The following TESC variants were observed in gnomAD, a reference collection of about 807,000 sequenced individuals.
TESC encodes the protein calcineurin B homologous protein 3.
Under a neutral mutation model 31.0 loss-of-function variants are expected in TESC, and 19 were observed. The observed-to-expected ratio is 0.61, with a 90% confidence interval of 0.43 to 0.90. The LOEUF (loss-of-function observed/expected upper bound fraction) is 0.90. Among genes scored for constraint, TESC ranks in the 40% least tolerant of loss-of-function variants. The pLI, the probability that TESC is intolerant of heterozygous loss-of-function variation, is 0.00. For synonymous variants in TESC, 109 were observed against 114.8 expected (o/e 0.95, Z 0.32); for missense variants, 248 against 303.8 (o/e 0.82, Z 1.36).
intron 3 of TESC, among the ~76,000 whole-genome samples, chr12:117,050,517 G>T (rs1040315354): frequency 2.0e-5 from 3 of 152,240 alleles, no homozygotes; most frequent in Admixed American, 6.5e-5. Flanking sequence ...GAGGAGGCAA[G>T]AAAGGGCTGG....
At chr12:117,066,257 A>T (rs1954879774) in intron 2 of TESC, among the ~76,000 whole-genome samples, 1 of 123,118 alleles carries the variant, frequency 8.1e-6, no homozygotes, top group Non-Finnish European at 1.6e-5. Flanking sequence ...CCCAGGCTGG[A>T]GTACAGTGGT....
chr12:117,056,805 C>T lies in TESC; in HGVS notation c.209+1G>A. On this transcript the variant is annotated splice_donor_variant, in intron 3 of 7. Coordinates refer to ENST00000335209, the MANE Select transcript of TESC (RefSeq NM_017899.4). LOFTEE classifies it high-confidence loss of function. ...GGGCTGGTTCAGGGGAAAACGCCCA[C>T]CTGTTGTCGAAGAAGGCACGAACAA... 1 of 1,614,114 alleles carries T rather than the reference C, an allele frequency of 6.2e-7. No homozygotes were observed.
intron 1 of TESC, among the ~76,000 whole-genome samples, chr12:117,081,506 C>A (rs1236835007): frequency 6.6e-6 from 1 of 152,064 alleles, no homozygotes; most frequent in Non-Finnish European, 1.5e-5. Flanking sequence ...TGGTATATAC[C>A]CTTTGAATCA....
At chr12:117,054,508 C>A (rs1213714450) in intron 3 of TESC, among the ~76,000 whole-genome samples, 1 of 152,132 alleles carries the variant, frequency 6.6e-6, no homozygotes, top group Non-Finnish European at 1.5e-5. Context: ...ACACACAGTT[C>A]CCATCGCCTG....
intron 3 of TESC, among the ~76,000 whole-genome samples, chr12:117,050,543 G>A (rs2135754089): frequency 6.6e-6 from 1 of 152,346 alleles, no homozygotes; most frequent in African/African-American, 2.4e-5. Flanking sequence ...TGGGGGATGG[G>A]GACACAGGGA....
At chr12:117,096,677 G>GC (rs1955400702) in intron 1 of TESC, among the ~76,000 whole-genome samples, 1 of 152,008 alleles carries the variant, frequency 6.6e-6, no homozygotes, top group African/African-American at 2.4e-5. Flanking sequence ...CTATGACTAT[G>GC]CCCATTTTAT....
intron 2 of TESC, among the ~76,000 whole-genome samples, chr12:117,074,096 A>C (rs1955017488): frequency 6.6e-6 from 1 of 152,058 alleles, no homozygotes; most frequent in East Asian, 1.9e-4. Flanking sequence ...GTGGTGGTGC[A>C]TGGCTGTAGT....
chr12:117,043,664 C>A (rs1027616553), intron 6 of TESC, among the ~76,000 whole-genome samples: 1 of 152,146 alleles, frequency 6.6e-6, no homozygotes, highest in African/African-American at 2.4e-5. Flanking sequence ...AGGGGTTTCA[C>A]CATGTTAGCC....
chr12:117,042,878 T>C (rs1249428910), intron 6 of TESC, among the ~76,000 whole-genome samples: 1 of 152,150 alleles, frequency 6.6e-6, no homozygotes, highest in Admixed American at 6.5e-5. Flanking sequence ...TAGTGTTCCA[T>C]TACTGGAACG....
At chr12:117,076,680 G>C (rs1955078817) in intron 1 of TESC, among the ~76,000 whole-genome samples, 2 of 152,178 alleles carry the variant, frequency 1.3e-5, no homozygotes, top group African/African-American at 4.8e-5. Context: ...CTGACCTTGA[G>C]TGATCCGCCC....
chr12:117,083,432 C>G (rs757830760), intron 1 of TESC, among the ~76,000 whole-genome samples: 1 of 151,804 alleles, frequency 6.6e-6, no homozygotes, highest in Non-Finnish European at 1.5e-5. Context: ...CACCAGAAAC[C>G]TGTAACCAAT....
At chr12:117,079,731 G>A (rs1955120700) in intron 1 of TESC, among the ~76,000 whole-genome samples, 1 of 152,244 alleles carries the variant, frequency 6.6e-6, no homozygotes, top group South Asian at 2.1e-4. Context: ...GGGCTGGAGA[G>A]GGAGAACAGG....
intron 6 of TESC, 85 bp downstream of exon 6, chr12:117,046,474 C>A: frequency 7.5e-7 from 1 of 1,334,302 alleles, no homozygotes. Context: ...ATACACCTGG[C>A]CCCTGCCCCA....
intron 2 of TESC, among the ~76,000 whole-genome samples, chr12:117,060,413 G>A (rs1214501030): frequency 2.0e-5 from 3 of 152,108 alleles, no homozygotes; most frequent in Non-Finnish European, 4.4e-5. Flanking sequence ...CTGTATGCAG[G>A]TCACACCCTC....
intron 3 of TESC, among the ~76,000 whole-genome samples, chr12:117,052,875 C>T (rs955773855): frequency 6.6e-5 from 10 of 152,138 alleles, no homozygotes; most frequent in South Asian, 6.2e-4. Context: ...CAAGTGCAGC[C>T]GGAATGAGCT....
chr12:117,041,894 G>C, intron 7 of TESC, 53 bp downstream of exon 7: 2 of 1,532,790 alleles, frequency 1.3e-6, no homozygotes, highest in Non-Finnish European at 1.8e-6. Flanking sequence ...TGACCAGTGG[G>C]CCACACGAGG....
intron 1 of TESC, among the ~76,000 whole-genome samples, chr12:117,076,018 T>C (rs1272137406): frequency 1.4e-5 from 2 of 145,816 alleles, no homozygotes; most frequent in African/African-American, 5.1e-5. Context: ...GGTTTCACCA[T>C]GTTGCCTAGG....
At position 117,098,885 on chromosome 12, in the gene TESC, G is replaced by A. The variant is rs550131072; in HGVS notation, c.58+340C>T. Among the ~76,000 whole-genome samples, 409 of 151,788 alleles carry A rather than the reference G, an allele frequency of 2.7e-3. 2 individuals are homozygous for A. The highest frequency in any genetic ancestry group is 9.4e-3 in the African/African-American group (390 of 41,446). On this transcript the variant is annotated intron_variant, in intron 1 of 7. Coordinates refer to ENST00000335209, the MANE Select transcript of TESC (RefSeq NM_017899.4). ...TCTCAGGTGTGGGGCGCGCGCGCCA[G>A]CGGGGGTGCCTGAGGGACTTGCCCG...
chr12:117,088,783 C>T (rs943007550), intron 1 of TESC, among the ~76,000 whole-genome samples: 2 of 151,934 alleles, frequency 1.3e-5, no homozygotes, highest in Non-Finnish European at 2.9e-5. Flanking sequence ...CCTTCCATTA[C>T]AAACACTGGA....
Sources: gnomAD v4.1 joint callset for allele counts (sites outside exome capture counted in the v4.1 genomes callset) on GRCh38, gnomAD v4.1.1 for gene constraint, MANE v1.5 for transcripts, NCBI Gene and HGNC (gene_info 2026-07-23, HGNC 2026-07-21) for gene names.